Variants in WWP1 observed in about 807,000 individuals in gnomAD.
WWP1 encodes WW domain containing E3 ubiquitin protein ligase 1, also known as NEDD4-like E3 ubiquitin-protein ligase WWP1.
In WWP1, 49 loss-of-function variants were observed where a neutral mutation model predicts 130.6. The observed-to-expected ratio is 0.38, with a 90% confidence interval of 0.30 to 0.48. WWP1 has a LOEUF of 0.48. WWP1 is among the 20% of genes least tolerant of loss of function. The probability of loss-of-function intolerance (pLI) is 0.99; values close to 1 mark genes in which losing one functional copy is unlikely to be tolerated. For synonymous variants in WWP1, 332 were observed against 367.8 expected, an observed-to-expected ratio of 0.90 and a Z score of 1.11; for missense variants, 809 against 1,100.6, an observed-to-expected ratio of 0.74 and a Z score of 3.75.
At chr8:86,406,134 G>A (rs558141786) in intron 8 of WWP1, among the ~76,000 whole-genome samples, 108 of 152,264 alleles carry the variant, frequency 7.1e-4, no homozygotes, top group Middle Eastern at 3.4e-3. Flanking sequence ...AGGAGGTAAC[G>A]TGGTGTCTCA....
intron 7 of WWP1, among the ~76,000 whole-genome samples, chr8:86,401,272 A>G (rs1437131592): frequency 6.6e-6 from 1 of 152,126 alleles, no homozygotes; most frequent in Non-Finnish European, 1.5e-5. Context: ...AAGTTATAAT[A>G]GTTTCAGGCC....
chr8:86,466,286 GTTAGA>G (rs1165224773), intron 24 of WWP1, among the ~76,000 whole-genome samples: 1 of 152,148 alleles, frequency 6.6e-6, no homozygotes, highest in Non-Finnish European at 1.5e-5. Flanking sequence ...TATATATGTG[GTTAGA>G]TTATTTGAAA....
chr8:86,349,329 T>A (rs950882633), intron 1 of WWP1, among the ~76,000 whole-genome samples: 1 of 152,226 alleles, frequency 6.6e-6, no homozygotes, highest in Non-Finnish European at 1.5e-5. Flanking sequence ...TGCAACCAGA[T>A]CTTCTTAAGG....
chr8:86,396,968 T>C (rs1807713281), intron 5 of WWP1, among the ~76,000 whole-genome samples: 1 of 152,090 alleles, frequency 6.6e-6, no homozygotes, highest in South Asian at 2.1e-4. Flanking sequence ...GCTCAAGTGA[T>C]CCTCCTGTGT....
chr8:86,407,418 G>A (rs1187568467), intron 8 of WWP1, among the ~76,000 whole-genome samples: 1 of 152,110 alleles, frequency 6.6e-6, no homozygotes, highest in Non-Finnish European at 1.5e-5. Flanking sequence ...ATTCTTTGTT[G>A]TAGGGGGCTG....
chr8:86,458,854 G>A (rs1423015985), intron 22 of WWP1, among the ~76,000 whole-genome samples: 1 of 152,036 alleles, frequency 6.6e-6, no homozygotes, highest in South Asian at 2.1e-4. Context: ...ATACTTCAAC[G>A]TGTGTAAAGT....
At chr8:86,443,305 C>G (rs1478110153) in intron 18 of WWP1, among the ~76,000 whole-genome samples, 1 of 152,092 alleles carries the variant, frequency 6.6e-6, no homozygotes, top group Non-Finnish European at 1.5e-5. Context: ...AACTCCTGAG[C>G]TGAAGTGATC....
intron 21 of WWP1, among the ~76,000 whole-genome samples, chr8:86,456,359 T>G (rs1811443385): frequency 6.6e-6 from 1 of 151,932 alleles, no homozygotes; most frequent in African/African-American, 2.4e-5. Context: ...GACAAAGATC[T>G]TATATCTGGA....
chr8:86,377,623 A>G (rs1397987275), intron 3 of WWP1, among the ~76,000 whole-genome samples: 1 of 152,138 alleles, frequency 6.6e-6, no homozygotes, highest in East Asian at 1.9e-4. Context: ...AAACTGATGG[A>G]AAAAATCAAA....
chr8:86,360,567 G>T (rs891522107), intron 1 of WWP1, among the ~76,000 whole-genome samples: 6 of 152,160 alleles, frequency 3.9e-5, no homozygotes, highest in African/African-American at 1.4e-4. Context: ...TTACTCTCAA[G>T]CTTTGCTCAT....
chr8:86,413,548 C>CA (rs1281604859), intron 9 of WWP1, among the ~76,000 whole-genome samples: 1 of 152,178 alleles, frequency 6.6e-6, no homozygotes, highest in African/African-American at 2.4e-5. Context: ...AAAGCTATGA[C>CA]ACGTCAGTGG....
At chr8:86,456,447 A>G (rs1446392839) in intron 21 of WWP1, among the ~76,000 whole-genome samples, 1 of 151,966 alleles carries the variant, frequency 6.6e-6, no homozygotes, top group Non-Finnish European at 1.5e-5. Flanking sequence ...CTTACTTCCC[A>G]ATAGGATATA....
chr8:86,441,700 G>A (rs529164527), intron 17 of WWP1, among the ~76,000 whole-genome samples: 113 of 152,298 alleles, frequency 7.4e-4, no homozygotes, highest in African/African-American at 2.6e-3. Flanking sequence ...TGAGGACTAC[G>A]ATAATATGCC....
chr8:86,354,492 T>G (rs1434649066), intron 1 of WWP1, among the ~76,000 whole-genome samples: 4 of 152,194 alleles, frequency 2.6e-5, no homozygotes, highest in African/African-American at 9.7e-5. Flanking sequence ...ATTGTGTCCC[T>G]GTATTTTGGA....
intron 5 of WWP1, among the ~76,000 whole-genome samples, chr8:86,394,788 A>G (rs1174342155): frequency 6.6e-6 from 1 of 152,146 alleles, no homozygotes; most frequent in Non-Finnish European, 1.5e-5. Context: ...TATGATCCAA[A>G]ATGTTATAAC....
In WWP1 at chr8:86,415,775, C is replaced by G. The variant is rs147297571; in HGVS notation, c.1061+3901C>G. Among the ~76,000 whole-genome samples, 469 of 152,282 alleles carry G rather than the reference C, an allele frequency of 3.1e-3. 2 individuals carry two copies. The highest frequency in any genetic ancestry group is 0.011 in the African/African-American group (447 of 41,554). On this transcript the variant is annotated intron_variant, in intron 9 of 24. Transcript: ENST00000517970. ...CTCTTTTGAGTAGGCTTCTTCTAAT[C>G]AGCATGATGTAACCTTTATTATTTT...
intron 9 of WWP1, among the ~76,000 whole-genome samples, chr8:86,424,436 T>C (rs1349706907): frequency 1.3e-5 from 2 of 151,950 alleles, no homozygotes; most frequent in African/African-American, 4.8e-5. Context: ...CTCGGCACTT[T>C]GGGAGGCCAA....
chr8:86,421,083 T>C (rs1354440120), intron 9 of WWP1, among the ~76,000 whole-genome samples: 1 of 152,214 alleles, frequency 6.6e-6, no homozygotes, highest in Non-Finnish European at 1.5e-5. Context: ...TGAAATTTTA[T>C]ATTTAACTCC....
In WWP1 at chr8:86,431,619, C is replaced by T; in HGVS notation, c.1477C>T (p.Gln493Ter). The T allele has an allele frequency of 6.2e-7, 1 of 1,613,354 alleles. No homozygotes were observed. Among genetic ancestry groups the T allele is most frequent in the Non-Finnish European group, 8.5e-7 (1 of 1,179,802 alleles). The change falls in exon 14 of 25, where the codon CAG (glutamine) becomes TAG (stop). Residue 493 changes from glutamine to a stop codon, truncating the protein, a stop_gained. Coordinates refer to ENST00000517970, the MANE Select transcript of WWP1 (RefSeq NM_007013.4). LOFTEE classifies it high-confidence loss of function. Reference sequence around the variant, plus strand: ...GATTTTAACTTTATCTTTTAGCTTACAGAATGAAGAACCCCTGCCAGAAGG... The same window carrying T: ...GATTTTAACTTTATCTTTTAGCTTATAGAATGAAGAACCCCTGCCAGAAGG... ...QWEDPRTQGLQNEEPLPEGWE... is the reference protein window; with the variant it reads ...QWEDPRTQGL
Sources: gnomAD v4.1 joint callset for allele counts (sites outside exome capture counted in the v4.1 genomes callset) on GRCh38, gnomAD v4.1.1 for gene constraint, MANE v1.5 for transcripts, NCBI Gene and HGNC (gene_info 2026-07-23, HGNC 2026-07-21) for gene names.